The following WAS variants were observed in gnomAD, a reference collection of about 807,000 sequenced individuals.
WAS encodes the protein actin nucleation-promoting factor WAS.
Under a neutral mutation model 38.9 loss-of-function variants are expected in WAS, and 1 was observed. The ratio of observed to expected loss-of-function variants is 0.03; its 90% CI spans 0.01 to 0.12. The LOEUF (loss-of-function observed/expected upper bound fraction) is 0.12. Ranked by LOEUF, WAS falls within the 10% of genes least tolerant of loss-of-function variation. The pLI is 1.00. For missense variants in WAS, 311 were observed against 431.2 expected (o/e 0.72, Z 2.47); for synonymous variants, 182 against 173.6 (o/e 1.05, Z -0.38).
chrX:48,681,098 C>T (rs782405069), upstream of WAS, among the ~76,000 whole-genome samples: 1 of 112,182 alleles, frequency 8.9e-6, no homozygotes, highest in Admixed American at 9.4e-5. Context: ...TGTGTGACCT[C>T]GGGCAAGGCA....
upstream of WAS, chrX:48,683,631 G>A: frequency 2.3e-6 from 1 of 431,210 alleles, no homozygotes; most frequent in Non-Finnish European, 3.9e-6. Flanking sequence ...GATCCAAAAG[G>A]TGGGTCTAAG....
Position 48,689,028 on chromosome X carries a change from C to G in WAS, c.1300C>G (p.Leu434Val). The G allele has an allele frequency of 8.3e-7, 1 of 1,205,522 alleles. No homozygotes were observed. ...GLAPGGGRGA[L>V]LDQIRQGIQL... ...GGCCCCTGGTGGGGGTCGGGGAGCG[C>G]TTTTGGATCAAATCCGGCAGGGAAT... is the stretch of plus-strand genomic sequence containing the variant. Residue 434 changes from leucine (L) to valine (V), a missense_variant, in exon 10 of 12, where the codon CTT (leucine) becomes GTT (valine). By Grantham distance (32) the Leu-to-Val change is conservative. This residue lies in a region of WAS where 142 missense variants were observed against 157.6 expected (regional missense o/e 0.90). Coordinates refer to ENST00000376701, the MANE Select transcript of WAS (RefSeq NM_000377.3).
chrX:48,687,998 G>T, intron 7 of WAS, 56 bp from the exon 8 acceptor site: 1 of 1,156,677 alleles, frequency 8.6e-7, no homozygotes, highest in East Asian at 3.1e-5. Context: ...GTTTCACTAT[G>T]AAGGGAGGGA....
chrX:48,689,986 G>T (rs2062434529), intron 11 of WAS, among the ~76,000 whole-genome samples: 1 of 104,442 alleles, frequency 9.6e-6, no homozygotes, highest in South Asian at 4.3e-4. Context: ...GGGTGACAGA[G>T]ATCCTATCTC....
chrX:48,688,643 T>A lies in WAS; in HGVS notation c.932-17T>A, dbSNP rs782706620. 1 of 1,207,251 alleles carries A rather than the reference T, an allele frequency of 8.3e-7. No individual in the cohort carries two copies. Among genetic ancestry groups the A allele is most frequent in the Admixed American group, 2.2e-5 (1 of 45,712 alleles). ...AATCAATGAGAGTTACAGCTATGTG[T>A]TATACCCCCTCCACAGAGCCACTTC... On this transcript the variant is annotated splice_polypyrimidine_tract_variant and intron_variant, in intron 9 of 11. Coordinates refer to ENST00000376701, the MANE Select transcript of WAS (RefSeq NM_000377.3).
At chrX:48,682,624 G>A (rs1416286214), upstream of WAS, among the ~76,000 whole-genome samples, 2 of 112,089 alleles carry the variant, frequency 1.8e-5, no homozygotes, top group Non-Finnish European at 3.8e-5. Flanking sequence ...GCTGGGCACG[G>A]TGGCTCACGC....
upstream of WAS, among the ~76,000 whole-genome samples, chrX:48,683,554 G>C (rs1421864918): frequency 9.0e-6 from 1 of 111,375 alleles, no homozygotes; most frequent in Non-Finnish European, 1.9e-5. Flanking sequence ...CCAGAGGGAG[G>C]AGGGTCTGAG....
intron 11 of WAS, among the ~76,000 whole-genome samples, chrX:48,690,875 T>C (rs2062437632): frequency 8.9e-6 from 1 of 111,895 alleles, no homozygotes; most frequent in Admixed American, 9.5e-5. Flanking sequence ...AGGTTAACAT[T>C]AACCCTTTGT....
upstream of WAS, among the ~76,000 whole-genome samples, chrX:48,679,909 T>C (rs782303301): frequency 8.9e-6 from 1 of 112,728 alleles, no homozygotes; most frequent in South Asian, 3.6e-4. Flanking sequence ...CTCCGAATTC[T>C]TTCTTGTGTG....
chrX:48,679,141 C>T (rs900378795), upstream of WAS, among the ~76,000 whole-genome samples: 2 of 109,463 alleles, frequency 1.8e-5, no homozygotes, highest in Non-Finnish European at 3.8e-5. Flanking sequence ...GCAATCATCC[C>T]GCCTCAGCCT....
chrX:48,690,426 G>C lies in WAS; in HGVS notation c.1454-681G>C, dbSNP rs1423970132. ...AGCCTCCCAGAGTGCTGGGATTACAGGCATGAGCCACCAGGCCTGGCTGTT... is the reference window on the plus strand; with the variant it reads ...AGCCTCCCAGAGTGCTGGGATTACACGCATGAGCCACCAGGCCTGGCTGTT... On this transcript the variant is annotated intron_variant, in intron 11 of 11. Coordinates refer to ENST00000376701, the MANE Select transcript of WAS (RefSeq NM_000377.3). Among the ~76,000 whole-genome samples the C allele has an allele frequency of 2.7e-5, 3 of 112,348 alleles. No individual in the cohort carries two copies. The Admixed American group carries it at 2.8e-4, about 11-fold the overall frequency.
chrX:48,678,635 C>T (rs782376598), intron 1 of WAS, among the ~76,000 whole-genome samples: 1 of 111,088 alleles, frequency 9.0e-6, no homozygotes, highest in East Asian at 2.8e-4. Flanking sequence ...AACTGGCTTG[C>T]ATTAGACCAA....
At chrX:48,686,035 C>T in intron 5 of WAS, 46 bp from the exon 6 acceptor site, 16 of 1,210,699 alleles carry the variant, frequency 1.3e-5, no homozygotes, top group Admixed American at 4.3e-5. Flanking sequence ...AGCCCAGGAA[C>T]CTGTGGCAGG....
chrX:48,682,916 G>A (rs782767521), upstream of WAS, among the ~76,000 whole-genome samples: 9 of 108,285 alleles, frequency 8.3e-5, no homozygotes, highest in South Asian at 3.2e-3. Context: ...AAAAAAAAAA[G>A]TATGACAAGC....
At chrX:48,679,653 G>A (rs1157000225), upstream of WAS, among the ~76,000 whole-genome samples, 8 of 110,613 alleles carry the variant, frequency 7.2e-5, no homozygotes, top group African/African-American at 2.6e-4. Flanking sequence ...GCATGGTGGT[G>A]CACACCTGTA....
intron 1 of WAS, among the ~76,000 whole-genome samples, chrX:48,677,635 C>T (rs2062393746): frequency 8.9e-6 from 1 of 111,818 alleles, no homozygotes; most frequent in Non-Finnish European, 1.9e-5. Flanking sequence ...GTGTTCTGAC[C>T]ACTGCGTCAT....
upstream of WAS, among the ~76,000 whole-genome samples, chrX:48,679,438 C>T (rs782479897): frequency 1.2e-4 from 14 of 112,255 alleles, no homozygotes; most frequent in African/African-American, 4.5e-4. Context: ...AAAATTCATT[C>T]TCATACCTTG....
At chrX:48,678,174 G>A (rs1044294968) in intron 1 of WAS, among the ~76,000 whole-genome samples, 24 of 112,080 alleles carry the variant, frequency 2.1e-4, no homozygotes, top group African/African-American at 6.8e-4. Flanking sequence ...TGGGTCTGAG[G>A]GTTGGGAAAT....
intron 1 of WAS, among the ~76,000 whole-genome samples, chrX:48,678,183 A>G (rs2062394659): frequency 8.9e-6 from 1 of 112,252 alleles, no homozygotes; most frequent in South Asian, 3.7e-4. Context: ...GGGTTGGGAA[A>G]TGATATTTCC....
Sources: allele counts gnomAD v4.1 joint callset (sites outside exome capture counted in the v4.1 genomes callset), GRCh38; gene constraint gnomAD v4.1.1; regional missense constraint gnomAD v4.1.1; transcripts MANE v1.5; gene names NCBI Gene and HGNC (gene_info 2026-07-23, HGNC 2026-07-21).